Variants in ZNF148 observed in about 807,000 individuals in gnomAD.
The protein encoded by ZNF148 is Beta-Enolase Repressor Factor-1.
ZNF148 carries 7 observed loss-of-function variants against 67.7 expected under a neutral mutation model. The ratio of observed to expected loss-of-function variants is 0.10; its 90% CI spans 0.06 to 0.19. The LOEUF (loss-of-function observed/expected upper bound fraction) is 0.19, where lower values mean the gene tolerates loss of function less well. Ranked by LOEUF, ZNF148 falls within the 10% of genes least tolerant of loss-of-function variation. ZNF148 has a pLI of 1.00. For missense variants in ZNF148, 583 were observed against 947.1 expected, an observed-to-expected ratio of 0.62 and a Z score of 5.05; for synonymous variants, 333 against 330.7, an observed-to-expected ratio of 1.01 and a Z score of -0.08.
rs1935789473 is a variant in ZNF148 at position 125,230,076 on chromosome 3, C to T, written c.*2265G>A. 6.6e-6 allele frequency: 1 copy of T among 152,414 alleles called. No individual in the cohort carries two copies. The allele number at this position is 152,414 out of a possible 1,614,324, so 9.4% of individuals were successfully genotyped here. Reference sequence around the variant, plus strand: ...CTTGCATAACTACCATTTTCAAAGGCCTTCCTTCCCAAGCTCACCCTAAAT... The same window carrying T: ...CTTGCATAACTACCATTTTCAAAGGTCTTCCTTCCCAAGCTCACCCTAAAT... On this transcript the variant is annotated 3_prime_UTR_variant, in exon 9 of 9. Coordinates refer to ENST00000360647, the MANE Select transcript of ZNF148 (RefSeq NM_021964.3).
intron 3 of ZNF148, among the ~76,000 whole-genome samples, chr3:125,318,806 AAGG>A (rs1009737831): frequency 1.3e-5 from 2 of 152,186 alleles, no homozygotes; most frequent in Non-Finnish European, 2.9e-5. Context: ...AAGAGAAAGG[AAGG>A]AGACCAACTC....
intron 1 of ZNF148, among the ~76,000 whole-genome samples, chr3:125,341,297 T>C (rs1941712565): frequency 6.8e-6 from 1 of 146,672 alleles, no homozygotes; most frequent in Admixed American, 6.8e-5. Context: ...AGTCTTCAGA[T>C]ACCTACTACA....
chr3:125,270,342 A>T (rs1037350405), intron 7 of ZNF148, among the ~76,000 whole-genome samples: 2 of 120,902 alleles, frequency 1.7e-5, no homozygotes, highest in Non-Finnish European at 3.8e-5. Flanking sequence ...CTCCATCTCT[A>T]AAAAAAAAAA....
chr3:125,283,898 C>T (rs527294216), intron 5 of ZNF148, among the ~76,000 whole-genome samples: 3 of 152,212 alleles, frequency 2.0e-5, no homozygotes, highest in African/African-American at 4.8e-5. Flanking sequence ...AAGTGCTCTT[C>T]CTCAGTTCAG....
At chr3:125,258,068 C>T (rs1579637110) in intron 7 of ZNF148, among the ~76,000 whole-genome samples, 1 of 151,956 alleles carries the variant, frequency 6.6e-6, no homozygotes, top group African/African-American at 2.4e-5. Context: ...AGGGTCTTCA[C>T]TTACTGAGAT....
chr3:125,317,010 G>C (rs866264635), intron 3 of ZNF148, among the ~76,000 whole-genome samples: 1 of 152,150 alleles, frequency 6.6e-6, no homozygotes, highest in Non-Finnish European at 1.5e-5. Flanking sequence ...CCTTGATACA[G>C]AAGTAGTAAA....
In ZNF148 at chr3:125,230,983, G is replaced by C. The variant is rs1042100111; in HGVS notation, c.*1358C>G. The stretch of plus-strand genomic sequence containing the variant: ...ATTGTACCATGCTGTATTATTTTAA[G>C]ACAGAGTATTAAAAAAAAACATTCA... On this transcript the variant is annotated 3_prime_UTR_variant, in exon 9 of 9. Coordinates refer to ENST00000360647, the MANE Select transcript of ZNF148 (RefSeq NM_021964.3). 6.6e-6 allele frequency: 1 copy of C among 152,090 alleles called. No homozygotes were observed. The highest frequency in any genetic ancestry group is 1.5e-5 in the Non-Finnish European group (1 of 67,852). The allele number at this position is 152,090 out of a possible 1,614,324, so 9.4% of individuals were successfully genotyped here.
At chr3:125,354,411 TC>T (rs1263306804) in intron 1 of ZNF148, among the ~76,000 whole-genome samples, 23 of 152,200 alleles carry the variant, frequency 1.5e-4, no homozygotes, top group Non-Finnish European at 3.4e-4. Flanking sequence ...GTTGCCCAAT[TC>T]TTTAAAAAAT....
intron 1 of ZNF148, among the ~76,000 whole-genome samples, chr3:125,359,374 C>T (rs1230483656): frequency 6.6e-6 from 1 of 152,192 alleles, no homozygotes; most frequent in African/African-American, 2.4e-5. Flanking sequence ...TTTCTCACTG[C>T]CATTTCATGT....
Position 125,341,317 on chromosome 3 carries a change from A to T in ZNF148, c.-233-10079T>A, listed in dbSNP as rs1468017926. Among the ~76,000 whole-genome samples, 25 of 89,646 alleles carry T rather than the reference A, an allele frequency of 2.8e-4. 1 individual carries two copies. Among genetic ancestry groups the T allele is most frequent in the South Asian group, 1.3e-3 (4 of 3,062 alleles). The allele number at this position is 89,646 out of a possible 152,430, so 58.8% of individuals were successfully genotyped here. ...TCAGATACCTACTACAGAAAAATTT[A>T]AAAAAAAAAAAAAAAGCAAAGCCAG... On this transcript the variant is annotated intron_variant, in intron 1 of 8. Transcript: ENST00000360647.
chr3:125,365,097 T>C (rs567316033), intron 1 of ZNF148, among the ~76,000 whole-genome samples: 4 of 152,198 alleles, frequency 2.6e-5, no homozygotes, highest in African/African-American at 7.2e-5. Flanking sequence ...ACTTGTGTCA[T>C]AGATGGATGT....
intron 7 of ZNF148, among the ~76,000 whole-genome samples, chr3:125,257,152 G>A (rs902604388): frequency 1.3e-5 from 2 of 151,504 alleles, no homozygotes; most frequent in African/African-American, 4.8e-5. Flanking sequence ...TTTTTCTCTT[G>A]GCTTTCTGTC....
chr3:125,279,960 C>T (rs1938288612), intron 5 of ZNF148, among the ~76,000 whole-genome samples: 2 of 151,752 alleles, frequency 1.3e-5, no homozygotes. Context: ...CCACTTAACA[C>T]ATTTTTTTGA....
intron 7 of ZNF148, among the ~76,000 whole-genome samples, chr3:125,263,076 AT>A: frequency 6.6e-6 from 1 of 152,106 alleles, no homozygotes; most frequent in South Asian, 2.1e-4. Context: ...TTCTTTACTC[AT>A]TTTTTTGAAA....
rs547294670 is a variant in ZNF148, at chr3:125,257,512, G to A, written c.667+20214C>T. 3.2e-4 allele frequency among the ~76,000 whole-genome samples: 45 copies of A among 139,028 alleles called. 2 individuals are homozygous for A. In the South Asian group the frequency reaches 9.2e-3, roughly 29 times the overall value. 91.2% of individuals were successfully genotyped at this position (139,028 alleles called of 152,430 possible). Reference sequence around the variant, plus strand: ...GAGGTTGGTGGTGAGCTGAGATCACGCCACTGCACTCCAGCCTGGGCGACA... The same window carrying A: ...GAGGTTGGTGGTGAGCTGAGATCACACCACTGCACTCCAGCCTGGGCGACA... On this transcript the variant is annotated intron_variant, in intron 7 of 8. Coordinates refer to ENST00000360647, the MANE Select transcript of ZNF148 (RefSeq NM_021964.3).
intron 1 of ZNF148, chr3:125,344,665 TG>T: frequency 3.0e-6 from 2 of 666,594 alleles, no homozygotes; most frequent in South Asian, 3.0e-5. Flanking sequence ...CCACTTGTTT[TG>T]ATTTTCTCTC....
At chr3:125,311,576 T>C (rs1940215473) in intron 4 of ZNF148, among the ~76,000 whole-genome samples, 2 of 152,202 alleles carry the variant, frequency 1.3e-5, no homozygotes, top group African/African-American at 2.4e-5. Context: ...TATAAGACAG[T>C]GTCTTTTTAA....
At chr3:125,322,603 T>A (rs888879268) in intron 3 of ZNF148, among the ~76,000 whole-genome samples, 4 of 152,104 alleles carry the variant, frequency 2.6e-5, no homozygotes, top group Admixed American at 6.6e-5. Flanking sequence ...GTAACCATCC[T>A]CGCCCACAAT....
chr3:125,289,895 A>G (rs1938913735), intron 4 of ZNF148, among the ~76,000 whole-genome samples: 1 of 152,208 alleles, frequency 6.6e-6, no homozygotes, highest in Admixed American at 6.5e-5. Context: ...ATTAACACGT[A>G]TATCTGAACC....
Sources: allele counts gnomAD v4.1 joint callset (sites outside exome capture counted in the v4.1 genomes callset), GRCh38; gene constraint gnomAD v4.1.1; transcripts MANE v1.5; gene names NCBI Gene and HGNC (gene_info 2026-07-23, HGNC 2026-07-21).